Variants in SGO1 observed in about 807,000 individuals in gnomAD.
SGO1 encodes shugoshin 1, also known as serologically defined breast cancer antigen NY-BR-85.
Under a neutral mutation model 50.5 loss-of-function variants are expected in SGO1, and 39 were observed. The observed-to-expected ratio is 0.77, with a 90% CI of 0.60 to 1.01. The LOEUF (loss-of-function observed/expected upper bound fraction) is 1.01, where lower values mean the gene tolerates loss of function less well. Ranked by LOEUF, SGO1 falls within the 50% of genes least tolerant of loss-of-function variation. The probability of loss-of-function intolerance (pLI) is 0.00; values close to 1 mark genes in which losing one functional copy is unlikely to be tolerated. For missense variants in SGO1, 638 were observed against 606.0 expected (o/e 1.05, Z -0.55); for synonymous variants, 191 against 205.1 (o/e 0.93, Z 0.59).
chr3:20,169,524 CT>C lies in SGO1; in HGVS notation c.*1179del, dbSNP rs1700508470. On this transcript the variant is annotated 3_prime_UTR_variant, in exon 8 of 8. Transcript: ENST00000412997. ...TTATTGCTCTTTAAAAATGAATAAC[CT>C]ACAAAGTTCTAAAATTTAAAGAGGT... 1 of 981,244 alleles carries C rather than the reference CT, an allele frequency of 1.0e-6. No homozygotes were observed. Among genetic ancestry groups the C allele is most frequent in the Non-Finnish European group, 1.2e-6 (1 of 826,264 alleles). 60.8% of individuals were successfully genotyped at this position (981,244 alleles called of 1,614,324 possible).
At chr3:20,167,981 A>C (rs1467704752), downstream of SGO1, among the ~76,000 whole-genome samples, 2 of 152,232 alleles carry the variant, frequency 1.3e-5, no homozygotes, top group Non-Finnish European at 2.9e-5. Flanking sequence ...TACAATGATG[A>C]AAATAATCTA....
In SGO1 at chr3:20,183,894, T is replaced by C. The variant is rs1302713503; in HGVS notation, c.134A>G (p.Gln45Arg). 1 of 1,606,834 alleles carries C rather than the reference T, an allele frequency of 6.2e-7. No homozygotes were observed. Among genetic ancestry groups the C allele is most frequent in the Non-Finnish European group, 8.5e-7 (1 of 1,178,356 alleles). Residue 45 changes from glutamine (Q) to arginine (R), a missense_variant, in exon 2 of 8, where the codon CAA becomes CGA. Physicochemically the swap from Gln to Arg is conservative, Grantham distance 43. Coordinates refer to ENST00000412997, the MANE Select transcript of SGO1 (RefSeq NM_001199251.3). ...KRRSFIAAPC[Q>R]IITNTSTLLK... is the part of the protein sequence containing the mutation. ...ACATAAAAATCTCTTACTGATTATTTGGCATGGTGCAGCTATAAAAGACCT... is the reference window on the plus strand; with the variant it reads ...ACATAAAAATCTCTTACTGATTATTCGGCATGGTGCAGCTATAAAAGACCT...
At position 20,182,076 on chromosome 3, in the gene SGO1, C is replaced by T. The variant is rs1174764325; in HGVS notation, c.339+1532G>A. Among the ~76,000 whole-genome samples, 8 of 151,102 alleles carry T rather than the reference C, an allele frequency of 5.3e-5. No individual in the cohort carries two copies. The East Asian group carries it at 1.6e-3, about 29-fold the overall frequency. On this transcript the variant is annotated intron_variant, in intron 3 of 7. Coordinates refer to ENST00000412997, the MANE Select transcript of SGO1 (RefSeq NM_001199251.3). Reference sequence around the variant, plus strand: ...CCACCCTGGGTGACAGAGCAAGACTCTGTCTCAAGAAAAAAAAAAGAAAAA... The same window carrying T: ...CCACCCTGGGTGACAGAGCAAGACTTTGTCTCAAGAAAAAAAAAAGAAAAA...
intron 3 of SGO1, among the ~76,000 whole-genome samples, chr3:20,183,186 GC>G (rs1269457304): frequency 2.6e-5 from 4 of 152,076 alleles, no homozygotes; most frequent in Non-Finnish European, 5.9e-5. Context: ...ACTGGATAAA[GC>G]AAAATGACAT....
At chr3:20,163,846 T>TA (rs1402647465) in intron 8 of SGO1, among the ~76,000 whole-genome samples, 1 of 152,184 alleles carries the variant, frequency 6.6e-6, no homozygotes, top group Non-Finnish European at 1.5e-5. Flanking sequence ...TTTGATAACT[T>TA]AGATGAACAA....
At position 20,183,656 on chromosome 3, in the gene SGO1, A is replaced by G. The variant is rs1277185189; in HGVS notation, c.291T>C (p.Tyr97=). The change falls in exon 3 of 8, where the codon TAT becomes TAC. Residue 97 remains tyrosine (Y), a synonymous_variant. Transcript: ENST00000412997. ...KECYYLTCQL[Y]ALKGKLTSQQ... The stretch of plus-strand genomic sequence containing the variant: ...GTGATGTAAGTTTTCCTTTCAATGC[A>G]TATAGCTGACATGTGAGATAGTAAC... The G allele has an allele frequency of 1.9e-6, 3 of 1,609,808 alleles. No individual in the cohort carries two copies. Among genetic ancestry groups the G allele is most frequent in the Admixed American group, 1.7e-5 (1 of 58,978 alleles).
rs1440030607 is a variant in SGO1, at chr3:20,171,086, T to C, written c.1429A>G (p.Arg477Gly). The C allele has an allele frequency of 5.6e-6, 9 of 1,607,836 alleles. No individual in the cohort carries two copies. Among genetic ancestry groups the C allele is most frequent in the Non-Finnish European group, 6.8e-6 (8 of 1,178,416 alleles). The change falls in exon 7 of 8, where the codon AGG becomes GGG. Residue 477 changes from arginine to glycine, a missense_variant. Arg to Gly is a moderately radical substitution (Grantham distance 125). Coordinates refer to ENST00000412997, the MANE Select transcript of SGO1 (RefSeq NM_001199251.3). Reference protein sequence around the residue: ...ASPAVALPKRRCTASVNYKEP... With the variant: ...ASPAVALPKRGCTASVNYKEP... ...TTATAGTTCACGCTGGCTGTGCACC[T>C]ACGTTTAGGCAGAGCCACTGCTGGG...
chr3:20,186,377 G>A (rs1040782228), upstream of SGO1: 4 of 152,366 alleles, frequency 2.6e-5, no homozygotes, highest in Non-Finnish European at 4.4e-5. Context: ...GGCGGAGCCT[G>A]CGGTCGGGTC....
chr3:20,164,276 C>T (rs1368863577), intron 8 of SGO1, among the ~76,000 whole-genome samples: 1 of 151,924 alleles, frequency 6.6e-6, no homozygotes, highest in African/African-American at 2.4e-5. Context: ...GTTGGTTTAA[C>T]ATGGGAAATC....
chr3:20,176,606 AT>A lies in SGO1; in HGVS notation c.469del (p.Ile157Ter). On this transcript the variant is annotated frameshift_variant, in exon 5 of 8. Coordinates refer to ENST00000412997, the MANE Select transcript of SGO1 (RefSeq NM_001199251.3). LOFTEE classifies it high-confidence loss of function. ...TAGATTTTCACTTGAATTACCTTCT[AT>A]TTGAAATGATTCTCCTTGTCCTGGA... ...ELPGQGESFQ[I>X]EDQIPTIPQD... The A allele has an allele frequency of 6.4e-7, 1 of 1,564,358 alleles. No individual in the cohort carries two copies. The highest frequency in any genetic ancestry group is 8.6e-7 in the Non-Finnish European group (1 of 1,158,984).
chr3:20,172,501 CAAAAAAAA>C (rs60237637), intron 6 of SGO1, among the ~76,000 whole-genome samples: 1 of 102,586 alleles, frequency 9.7e-6, no homozygotes, highest in African/African-American at 3.5e-5. Context: ...AACTCTGTTT[CAAAAAAAA>C]AAAAAAAAAA....
upstream of SGO1, chr3:20,186,533 C>G (rs1702687524): frequency 6.6e-6 from 1 of 152,256 alleles, no homozygotes; most frequent in Non-Finnish European, 1.5e-5. Context: ...GGGTTGTGCT[C>G]AAAGCCTCCC....
chr3:20,168,956 G>A, downstream of SGO1: 2 of 984,996 alleles, frequency 2.0e-6, no homozygotes, highest in African/African-American at 1.7e-5. Context: ...ACTTTTTAAT[G>A]GTCTGTAGTC....
chr3:20,183,508 A>T (rs1052506740), intron 3 of SGO1, 100 bp downstream of exon 3: 2 of 981,838 alleles, frequency 2.0e-6, no homozygotes, highest in African/African-American at 3.3e-5. Context: ...ATTCATGCAT[A>T]ACTGAGCTAT....
At chr3:20,181,919 C>G (rs975848475) in intron 3 of SGO1, among the ~76,000 whole-genome samples, 1 of 151,910 alleles carries the variant, frequency 6.6e-6, no homozygotes, top group Non-Finnish European at 1.5e-5. Flanking sequence ...CCTGTCTCTA[C>G]TAAAAATATA....
chr3:20,170,432 T>G lies in SGO1; in HGVS notation c.*272A>C. The G allele has an allele frequency of 9.8e-7, 1 of 1,019,262 alleles. No individual in the cohort carries two copies. The allele number at this position is 1,019,262 out of a possible 1,614,324, so 63.1% of individuals were successfully genotyped here. A position where few individuals can be genotyped will look rare whatever the true frequency, so the allele number is the denominator to read the frequency against. On this transcript the variant is annotated 3_prime_UTR_variant, in exon 8 of 8. Transcript: ENST00000412997. ...AAAAAAGATATATTTCGACTAAAATTAAGAGGTTTAGGCAGCATAAGAAAT... is the reference window on the plus strand; with the variant it reads ...AAAAAAGATATATTTCGACTAAAATGAAGAGGTTTAGGCAGCATAAGAAAT...
At position 20,175,022 on chromosome 3, in the gene SGO1, C is replaced by A. The variant is rs1311825123; in HGVS notation, c.509G>T (p.Gly170Val). 1.3e-6 allele frequency: 2 copies of A among 1,582,600 alleles called. No individual in the cohort carries two copies. Among genetic ancestry groups the A allele is most frequent in the Non-Finnish European group, 1.7e-6 (2 of 1,163,140 alleles). The change falls in exon 6 of 8, where the codon GGA becomes GTA. Residue 170 changes from glycine (G) to valine (V), a missense_variant. By Grantham distance (109) the Gly-to-Val change is moderately radical. Coordinates refer to ENST00000412997, the MANE Select transcript of SGO1 (RefSeq NM_001199251.3). ...QIPTIPQDTL[G>V]VDFDSGEAKS... ...AGCTTCACCTGAATCAAAATCAACT[C>A]CCAGTGTGTCTTGAGGAATAGTAGG...
At chr3:20,169,416 G>A (rs1406735961), downstream of SGO1, 10 of 984,914 alleles carry the variant, frequency 1.0e-5, no homozygotes, top group East Asian at 1.0e-3. Context: ...AATGTCCAAG[G>A]ATGAGAATAG....
rs149344897 is a variant in SGO1, at chr3:20,171,072, G to A, written c.1443C>T (p.Ser481=). 102 of 1,600,276 alleles carry A rather than the reference G, an allele frequency of 6.4e-5. 1 individual carries two copies. The African/African-American group carries it at 1.2e-3, about 19-fold the overall frequency. The change falls in exon 7 of 8, where the codon AGC becomes AGT. Residue 481 remains serine, a synonymous_variant. Transcript: ENST00000412997. ...CGAGGGTGGGCTCCTTATAGTTCAC[G>A]CTGGCTGTGCACCTACGTTTAGGCA... ...VALPKRRCTA[S]VNYKEPTLAS... is the part of the protein sequence containing the mutation.
Sources: allele counts gnomAD v4.1 joint callset (sites outside exome capture counted in the v4.1 genomes callset), GRCh38; gene constraint gnomAD v4.1.1; transcripts MANE v1.5; gene names NCBI Gene and HGNC (gene_info 2026-07-23, HGNC 2026-07-21).